Variants in KALRN observed in about 807,000 individuals in gnomAD.
The protein encoded by KALRN is kalirin.
KALRN carries 70 observed loss-of-function variants against 353.7 expected under a neutral mutation model. The observed-to-expected ratio is 0.20, with a 90% confidence interval of 0.16 to 0.24. The LOEUF is 0.24. Among genes scored for constraint, KALRN ranks in the 10% least tolerant of loss-of-function variants. The pLI, the probability that KALRN is intolerant of heterozygous loss-of-function variation, is 1.00. For missense variants in KALRN, 2,791 were observed against 3,756.7 expected (o/e 0.74, Z 6.72); for synonymous variants, 1,391 against 1,434.8 (o/e 0.97, Z 0.69).
chr3:124,333,259 G>C (rs549632017), intron 8 of KALRN, among the ~76,000 whole-genome samples: 1 of 152,272 alleles, frequency 6.6e-6, no homozygotes, highest in African/African-American at 2.4e-5. Flanking sequence ...TTTAAATGGG[G>C]ACACAGACAA....
intron 54 of KALRN, among the ~76,000 whole-genome samples, chr3:124,696,749 A>G (rs1015629762): frequency 1.3e-5 from 2 of 152,194 alleles, no homozygotes; most frequent in African/African-American, 2.4e-5. Flanking sequence ...GGCATTAAGT[A>G]CATCCACATT....
chr3:124,462,553 G>A lies in KALRN; in HGVS notation c.3951G>A (p.Val1317=). ...ETYLWEMTSG[V]EEIPPGILNK... is the part of the protein sequence containing the mutation. ...ACCTGTGGGAAATGACCAGTGGTGT[G>A]GAGGAGATCCCCCCTGGGATCCTCA... is the stretch of plus-strand genomic sequence containing the variant. The change falls in exon 25 of 60, where the codon GTG becomes GTA. Residue 1317 remains valine, a synonymous_variant. Coordinates refer to ENST00000682506, the MANE Select transcript of KALRN (RefSeq NM_001388419.1). The A allele has an allele frequency of 6.2e-7, 1 of 1,610,756 alleles. No individual in the cohort carries two copies.
Position 124,659,419 on chromosome 3 carries a change from C to G in KALRN, c.6178C>G (p.Pro2060Ala), listed in dbSNP as rs2084528167. Residue 2060 changes from proline (P) to alanine (A), a missense_variant, in exon 43 of 60, where the codon CCC becomes GCC. Pro to Ala is a conservative substitution (Grantham distance 27). Transcript: ENST00000682506. The stretch of plus-strand genomic sequence containing the variant: ...GACACTGAGTGACTTCCTCATCAAG[C>G]CCATTCAGAGAATAACAAAATACCA... The part of the protein sequence containing the change: ...RLTLSDFLIK[P>A]IQRITKYQLL... 1 of 1,613,596 alleles carries G rather than the reference C, an allele frequency of 6.2e-7. No individual in the cohort carries two copies. Among genetic ancestry groups the G allele is most frequent in the Non-Finnish European group, 8.5e-7 (1 of 1,179,686 alleles).
At chr3:124,625,656 A>T (rs996497030) in intron 34 of KALRN, among the ~76,000 whole-genome samples, 12 of 152,218 alleles carry the variant, frequency 7.9e-5, no homozygotes, top group South Asian at 4.1e-4. Context: ...GCCTAGAAGA[A>T]TTCTCACACT....
chr3:124,170,645 A>G (rs1244365249), intron 1 of KALRN, among the ~76,000 whole-genome samples: 3 of 152,042 alleles, frequency 2.0e-5, no homozygotes, highest in Non-Finnish European at 4.4e-5. Flanking sequence ...GATCAATAAA[A>G]GCAAGCTCTA....
chr3:124,578,276 G>A (rs1289189020), intron 34 of KALRN, among the ~76,000 whole-genome samples: 1 of 152,140 alleles, frequency 6.6e-6, no homozygotes, highest in African/African-American at 2.4e-5. Flanking sequence ...AGATGTTTAG[G>A]CCACAGCCAC....
intron 5 of KALRN, among the ~76,000 whole-genome samples, chr3:124,271,333 T>C (rs2148946223): frequency 1.3e-5 from 2 of 152,220 alleles, no homozygotes; most frequent in Middle Eastern, 6.8e-3. Context: ...CTCAAGGACA[T>C]GGGAAGCCTG....
At chr3:124,570,336 C>A (rs749409599) in intron 34 of KALRN, among the ~76,000 whole-genome samples, 21 of 152,170 alleles carry the variant, frequency 1.4e-4, no homozygotes, top group Non-Finnish European at 2.4e-4. Flanking sequence ...GATTGAAGTA[C>A]GATCCTTCAA....
intron 1 of KALRN, among the ~76,000 whole-genome samples, chr3:124,055,399 A>T (rs1220662886): frequency 1.3e-5 from 2 of 152,218 alleles, no homozygotes; most frequent in Non-Finnish European, 2.9e-5. Flanking sequence ...AAAGGAGGTC[A>T]TCTAATTTCT....
At position 124,390,035 on chromosome 3, in the gene KALRN, G is replaced by A. The variant is rs2089103558; in HGVS notation, c.1962+4999G>A. Among the ~76,000 whole-genome samples the A allele has an allele frequency of 2.6e-5, 4 of 152,330 alleles. No individual in the cohort carries two copies. The South Asian group carries it at 8.3e-4, about 32-fold the overall frequency. On this transcript the variant is annotated intron_variant, in intron 11 of 59. Coordinates refer to ENST00000682506, the MANE Select transcript of KALRN (RefSeq NM_001388419.1). ...CTCCACTACTAGTACAAATCATGCTGAACTTAAATACATTCTTTTTGCCTG... is the reference window on the plus strand; with the variant it reads ...CTCCACTACTAGTACAAATCATGCTAAACTTAAATACATTCTTTTTGCCTG...
rs1218907873 is a variant in KALRN at position 124,604,949 on chromosome 3, G to T, written c.5183-27471G>T. Among the ~76,000 whole-genome samples, 4 of 152,146 alleles carry T rather than the reference G, an allele frequency of 2.6e-5. No individual in the cohort carries two copies. The South Asian group carries it at 8.3e-4, about 32-fold the overall frequency. ...GGTGTGCAGATTGCCTAAGCCAGGG[G>T]TTCCAAACCAGCCTGAGCAACATGG... On this transcript the variant is annotated intron_variant, in intron 34 of 59. Transcript: ENST00000682506.
At chr3:124,242,724 A>G (rs1467129475) in intron 3 of KALRN, among the ~76,000 whole-genome samples, 1 of 152,118 alleles carries the variant, frequency 6.6e-6, no homozygotes, top group Non-Finnish European at 1.5e-5. Context: ...TAATTACCTC[A>G]GTTTTGGGCT....
rs1387899816 is a variant in KALRN, at chr3:124,633,929, C to T, written c.5544C>T (p.Asp1848=). The stretch of plus-strand genomic sequence containing the variant: ...TCCCACCACCTATGAAGATTTTTGA[C>T]AACGACCCTACACAGGATGAAATGG... The part of the protein sequence containing the change: ...TPLPPPMKIF[D]NDPTQDEMSS... The change falls in exon 36 of 60, where the codon GAC becomes GAT. Residue 1848 remains aspartate, a synonymous_variant. Transcript: ENST00000682506. 1.9e-6 allele frequency: 3 copies of T among 1,614,036 alleles called. No individual in the cohort carries two copies. The African/African-American group carries it at 4.0e-5, about 22-fold the overall frequency.
In KALRN at chr3:124,422,823, A is replaced by T; in HGVS notation, c.2554A>T (p.Ile852Phe). The T allele has an allele frequency of 6.8e-6, 11 of 1,613,704 alleles. No homozygotes were observed. The highest frequency in any genetic ancestry group is 9.3e-6 in the Non-Finnish European group (11 of 1,179,722). Reference protein sequence around the residue: ...TEVQASGIELICEKDIDLAAQ... With the variant: ...TEVQASGIELFCEKDIDLAAQ... ...TTTTTTAAAATCAGGAATTGAGTTG[A>T]TCTGTGAAAAAGACATTGATCTGGC... is the stretch of plus-strand genomic sequence containing the variant. Residue 852 changes from isoleucine (I) to phenylalanine (F), a missense_variant, in exon 15 of 60, where the codon ATC becomes TTC. Ile to Phe is a conservative substitution (Grantham distance 21, BLOSUM62 0). Coordinates refer to ENST00000682506, the MANE Select transcript of KALRN (RefSeq NM_001388419.1).
In KALRN at chr3:124,430,530, C is replaced by T. The variant is rs1576864234; in HGVS notation, c.2710-126C>T. On this transcript the variant is annotated intron_variant, in intron 15 of 59. Transcript: ENST00000682506. ...ACCATTTTGATTATGGTGACATTTGCTGTCCTCTCTCCAACAGAAGATAAA... is the reference window on the plus strand; with the variant it reads ...ACCATTTTGATTATGGTGACATTTGTTGTCCTCTCTCCAACAGAAGATAAA... 4.5e-6 allele frequency: 5 copies of T among 1,119,920 alleles called. No homozygotes were observed. The East Asian group carries it at 1.2e-4, about 28-fold the overall frequency. 69.4% of individuals were successfully genotyped at this position (1,119,920 alleles called of 1,614,324 possible).
chr3:124,362,933 T>C (rs2084221752), intron 10 of KALRN, among the ~76,000 whole-genome samples: 1 of 152,246 alleles, frequency 6.6e-6, no homozygotes, highest in African/African-American at 2.4e-5. Context: ...GATGTAGATC[T>C]TGAGTCTGAT....
intron 34 of KALRN, among the ~76,000 whole-genome samples, chr3:124,623,285 C>T (rs911468498): frequency 2.0e-5 from 3 of 151,612 alleles, no homozygotes; most frequent in East Asian, 1.9e-4. Flanking sequence ...AGGTGTGAGC[C>T]GGTGCGCCTG....
At chr3:124,071,546 G>T (rs1346981966) in intron 1 of KALRN, among the ~76,000 whole-genome samples, 6 of 152,266 alleles carry the variant, frequency 3.9e-5, no homozygotes, top group Admixed American at 2.0e-4. Flanking sequence ...AATTTATAAA[G>T]AACAGAAATA....
intron 34 of KALRN, among the ~76,000 whole-genome samples, chr3:124,623,421 C>CA (rs1280740415): frequency 2.0e-5 from 3 of 148,956 alleles, no homozygotes; most frequent in Non-Finnish European, 1.5e-5. Context: ...CACACACACA[C>CA]ACACACAAAA....
Sources: allele counts gnomAD v4.1 joint callset (sites outside exome capture counted in the v4.1 genomes callset), GRCh38; gene constraint gnomAD v4.1.1; transcripts MANE v1.5; gene names NCBI Gene and HGNC (gene_info 2026-07-23, HGNC 2026-07-21).